Variants in AFAP1L1 observed in about 807,000 individuals in gnomAD.
AFAP1L1 encodes the protein actin filament associated protein 1 like 1.
A neutral mutation model predicts 99.8 loss-of-function variants in AFAP1L1; 77 were observed. That is an observed-to-expected ratio of 0.77 (90% confidence interval 0.64 to 0.93). The LOEUF (loss-of-function observed/expected upper bound fraction) is 0.93. Among genes scored for constraint, AFAP1L1 ranks in the 40% least tolerant of loss-of-function variants. AFAP1L1 has a pLI of 0.00. For missense variants in AFAP1L1, 893 were observed against 996.8 expected (o/e 0.90, Z 1.40); for synonymous variants, 373 against 395.3 (o/e 0.94, Z 0.67).
chr5:149,306,690 G>A (rs1488361416), intron 6 of AFAP1L1, among the ~76,000 whole-genome samples: 1 of 152,234 alleles, frequency 6.6e-6, no homozygotes, highest in South Asian at 2.1e-4. Flanking sequence ...TCTATAAAAT[G>A]GAGATTTGCT....
intron 1 of AFAP1L1, among the ~76,000 whole-genome samples, chr5:149,287,013 A>G (rs1445876406): frequency 1.3e-5 from 2 of 152,228 alleles, no homozygotes; most frequent in African/African-American, 4.8e-5. Context: ...GTTTCCTGTC[A>G]GTAAAACTGG....
chr5:149,275,335 G>T (rs1755278568), intron 1 of AFAP1L1, among the ~76,000 whole-genome samples: 1 of 152,204 alleles, frequency 6.6e-6, no homozygotes, highest in Non-Finnish European at 1.5e-5. Context: ...TCAAGGTGCA[G>T]TCAGGGTTAG....
At chr5:149,309,907 C>T in intron 7 of AFAP1L1, 49 bp from the exon 8 acceptor site, 1 of 1,612,926 alleles carries the variant, frequency 6.2e-7, no homozygotes, top group Non-Finnish European at 8.5e-7. Context: ...TGTCTCCCTC[C>T]TCTACCCTCT....
At position 149,307,451 on chromosome 5, in the gene AFAP1L1, G is replaced by A. The variant is rs761411129; in HGVS notation, c.585G>A (p.Glu195=). The change falls in exon 7 of 19, where the codon GAG becomes GAA. Residue 195 remains glutamate (E), a synonymous_variant. Coordinates refer to ENST00000296721, the MANE Select transcript of AFAP1L1 (RefSeq NM_152406.4). ...MSSSYESYDE[E]EEEGKSPQPR... is the part of the protein sequence containing the mutation. ...GCTCCTATGAGTCCTACGATGAAGA[G>A]GAGGAGGAAGGGAAGAGCCCGCAGC... is the stretch of plus-strand genomic sequence containing the variant. The A allele has an allele frequency of 1.2e-5, 20 of 1,614,160 alleles. No homozygotes were observed. The highest frequency in any genetic ancestry group is 1.4e-5 in the Non-Finnish European group (17 of 1,180,018).
chr5:149,302,454 C>T lies in AFAP1L1; in HGVS notation c.364C>T (p.Pro122Ser). The change falls in exon 5 of 19, where the codon CCC becomes TCC. Residue 122 changes from proline (P) to serine (S), a missense_variant. Physicochemically the swap from Pro to Ser is moderately conservative, Grantham distance 74 (BLOSUM62 -1). Coordinates refer to ENST00000296721, the MANE Select transcript of AFAP1L1 (RefSeq NM_152406.4). ...GCCTCCACCGCTCCCCAACAAGCCT[C>T]CCCCTGAGGACTACTATGAAGAGGC... Reference protein sequence around the residue: ...DLPPPLPNKPPPEDYYEEALP... With the variant: ...DLPPPLPNKPSPEDYYEEALP... 1 of 1,596,256 alleles carries T rather than the reference C, an allele frequency of 6.3e-7. No individual in the cohort carries two copies. The highest frequency in any genetic ancestry group is 1.1e-5 in the South Asian group (1 of 87,562).
chr5:149,299,508 G>A lies in AFAP1L1; in HGVS notation c.17-1G>A. The A allele has an allele frequency of 6.2e-7, 1 of 1,614,040 alleles. No individual in the cohort carries two copies. The highest frequency in any genetic ancestry group is 8.5e-7 in the Non-Finnish European group (1 of 1,179,986). Reference sequence around the variant, plus strand: ...CTGTGCCCGTCTGCCTTCCTCCGCAGTGCTGGAGCAGCTGCTCCCAGAGCT... The same window carrying A: ...CTGTGCCCGTCTGCCTTCCTCCGCAATGCTGGAGCAGCTGCTCCCAGAGCT... On this transcript the variant is annotated splice_acceptor_variant, in intron 1 of 18. Coordinates refer to ENST00000296721, the MANE Select transcript of AFAP1L1 (RefSeq NM_152406.4). LOFTEE classifies it high-confidence loss of function.
chr5:149,299,717 C>T lies in AFAP1L1; in HGVS notation c.145+80C>T, dbSNP rs530045971. 98 of 1,586,442 alleles carry T rather than the reference C, an allele frequency of 6.2e-5. 2 individuals are homozygous for T. In the South Asian group the frequency reaches 1.1e-3, roughly 18 times the overall value. ...CTCCCTTCACTGACTCAAGAACATG[C>T]AGGAACCCTCCGCCCCACCCCCACC... On this transcript the variant is annotated intron_variant, in intron 2 of 18. Coordinates refer to ENST00000296721, the MANE Select transcript of AFAP1L1 (RefSeq NM_152406.4).
chr5:149,315,860 G>T lies in AFAP1L1; in HGVS notation c.1060G>T (p.Val354Leu). The T allele has an allele frequency of 6.2e-7, 1 of 1,614,178 alleles. No homozygotes were observed. The highest frequency in any genetic ancestry group is 8.5e-7 in the Non-Finnish European group (1 of 1,180,026). The change falls in exon 10 of 19, where the codon GTG (valine) becomes TTG (leucine). Residue 354 changes from valine (V) to leucine (L), a missense_variant. Val to Leu is a conservative substitution (Grantham distance 32, BLOSUM62 1). Transcript: ENST00000296721. ...GAAGCAGACCTCAGATTCTGACAGC[G>T]TGGGTGTGGGTGACAACTGTTCTAC... ...QEKQTSDSDSVGVGDNCSTLG... is the reference protein window; with the variant it reads ...QEKQTSDSDSLGVGDNCSTLG...
chr5:149,341,358 C>T lies in AFAP1L1; in HGVS notation c.*1328C>T, dbSNP rs1460602011. On this transcript the variant is annotated 3_prime_UTR_variant, in exon 19 of 19. Coordinates refer to ENST00000296721, the MANE Select transcript of AFAP1L1 (RefSeq NM_152406.4). ...AATCACCCACTGATTAGTGGCAGAGCGTAGGACTTAGGGGTTATAAGCCCA... is the reference window on the plus strand; with the variant it reads ...AATCACCCACTGATTAGTGGCAGAGTGTAGGACTTAGGGGTTATAAGCCCA... 2 of 152,174 alleles carry T rather than the reference C, an allele frequency of 1.3e-5. No individual in the cohort carries two copies. The highest frequency in any genetic ancestry group is 2.4e-5 in the African/African-American group (1 of 41,434). 9.4% of individuals were successfully genotyped at this position (152,174 alleles called of 1,614,324 possible). A position where few individuals can be genotyped will look rare whatever the true frequency, so the allele number is the denominator to read the frequency against.
intron 1 of AFAP1L1, among the ~76,000 whole-genome samples, chr5:149,288,772 GAGA>G (rs546153564): frequency 8.1e-4 from 123 of 152,308 alleles, no homozygotes; most frequent in African/African-American, 2.6e-3. Context: ...ATGCCTTGGG[GAGA>G]AGAAGTTGTG....
At chr5:149,277,480 G>A (rs1440137267) in intron 1 of AFAP1L1, among the ~76,000 whole-genome samples, 1 of 152,198 alleles carries the variant, frequency 6.6e-6, no homozygotes, top group Non-Finnish European at 1.5e-5. Context: ...TCCCCCTGCA[G>A]TGACCTGAGA....
chr5:149,308,172 A>G (rs913407940), intron 7 of AFAP1L1, among the ~76,000 whole-genome samples: 18 of 152,170 alleles, frequency 1.2e-4, no homozygotes, highest in Non-Finnish European at 2.9e-5. Flanking sequence ...AAGACCTGAT[A>G]CAGGCTTTAC....
chr5:149,275,877 A>G (rs1166312977), intron 1 of AFAP1L1, among the ~76,000 whole-genome samples: 1 of 152,142 alleles, frequency 6.6e-6, no homozygotes, highest in Admixed American at 6.5e-5. Flanking sequence ...TTTAACCTTA[A>G]TTACCTCCAT....
At chr5:149,272,494 T>C (rs1364089252) in intron 1 of AFAP1L1, among the ~76,000 whole-genome samples, 1 of 152,062 alleles carries the variant, frequency 6.6e-6, no homozygotes, top group Non-Finnish European at 1.5e-5. Flanking sequence ...GCGGGGGTGG[T>C]TCTATCCCGC....
In AFAP1L1 at chr5:149,322,617, C is replaced by G; in HGVS notation, c.1710C>G (p.Pro570=). The G allele has an allele frequency of 1.3e-6, 2 of 1,577,328 alleles. No homozygotes were observed. The highest frequency in any genetic ancestry group is 1.7e-6 in the Non-Finnish European group (2 of 1,160,274). The stretch of plus-strand genomic sequence containing the variant: ...CCATCTCCCACCAGGACGAGGAGCC[C>G]GAGCGCCCCACAGGGGCCCAGGTGA... ...VPYEKMQDEE[P]ERPTGAQVKR... Residue 570 remains proline, a synonymous_variant, in exon 15 of 19, where the codon CCC becomes CCG. Transcript: ENST00000296721.
rs1274457419 is a variant in AFAP1L1, at chr5:149,317,847, C to T, written c.1386C>T (p.Ala462=). 6.2e-7 allele frequency: 1 copy of T among 1,609,942 alleles called. No individual in the cohort carries two copies. The highest frequency in any genetic ancestry group is 2.2e-5 in the East Asian group (1 of 44,730). ...MDLRTHVNAI[A]LQGCEVAPGF... ...TGCGAACCCATGTGAACGCCATCGCCCTGCAAGGCTGTGAGGTGGCCCCGG... is the reference window on the plus strand; with the variant it reads ...TGCGAACCCATGTGAACGCCATCGCTCTGCAAGGCTGTGAGGTGGCCCCGG... Residue 462 remains alanine, a synonymous_variant, in exon 12 of 19, where the codon GCC becomes GCT. Coordinates refer to ENST00000296721, the MANE Select transcript of AFAP1L1 (RefSeq NM_152406.4).
intron 15 of AFAP1L1, among the ~76,000 whole-genome samples, chr5:149,329,376 A>G (rs1757185613): frequency 6.6e-6 from 1 of 152,156 alleles, no homozygotes; most frequent in Admixed American, 6.5e-5. Context: ...ATGTCACACT[A>G]CCAGTCACTT....
At chr5:149,308,008 T>A (rs921124232) in intron 7 of AFAP1L1, among the ~76,000 whole-genome samples, 2 of 151,750 alleles carry the variant, frequency 1.3e-5, no homozygotes, top group Non-Finnish European at 2.9e-5. Flanking sequence ...ATACAAAAAA[T>A]TAGCCAGGTG....
chr5:149,281,266 C>T (rs1404969301), intron 1 of AFAP1L1, among the ~76,000 whole-genome samples: 1 of 152,184 alleles, frequency 6.6e-6, no homozygotes, highest in East Asian at 1.9e-4. Context: ...TCTGTCGCAT[C>T]TCTTGACCCT....
Sources: allele counts gnomAD v4.1 joint callset (sites outside exome capture counted in the v4.1 genomes callset), GRCh38; gene constraint gnomAD v4.1.1; transcripts MANE v1.5; gene names NCBI Gene and HGNC (gene_info 2026-07-23, HGNC 2026-07-21).